Variants in TTLL10 observed in about 807,000 individuals in gnomAD.
The protein encoded by TTLL10 is tubulin tyrosine ligase like 10.
TTLL10 carries 61 observed loss-of-function variants against 69.0 expected under a neutral mutation model. The ratio of observed to expected loss-of-function variants is 0.88; its 90% CI spans 0.72 to 1.09. The LOEUF is 1.09. Among genes scored for constraint, TTLL10 ranks in the 50% least tolerant of loss-of-function variants. TTLL10 has a pLI of 0.00. For synonymous variants in TTLL10, 408 were observed against 393.3 expected (o/e 1.04, Z -0.44); for missense variants, 962 against 945.9 (o/e 1.02, Z -0.22).
chr1:1,194,397 T>A (rs549722702), intron 13 of TTLL10, among the ~76,000 whole-genome samples: 12 of 152,280 alleles, frequency 7.9e-5, no homozygotes, highest in African/African-American at 2.9e-4. Context: ...TACAAAAAAA[T>A]ACATGTATGC....
Position 1,183,141 on chromosome 1 carries a change from C to T in TTLL10, c.1088+94C>T, listed in dbSNP as rs898941406. ...GCAGGGCCGCCGAGGAGCCCTTGGT[C>T]GTGGAAAGCAGCCGCACCACCAGCC... On this transcript the variant is annotated intron_variant, in intron 11 of 15. Transcript: ENST00000379289. 2.1e-5 allele frequency: 30 copies of T among 1,425,594 alleles called. 1 individual carries two copies. Among genetic ancestry groups the T allele is most frequent in the Admixed American group, 5.0e-5 (2 of 39,998 alleles). 88.3% of individuals were successfully genotyped at this position (1,425,594 alleles called of 1,614,324 possible).
intron 13 of TTLL10, among the ~76,000 whole-genome samples, chr1:1,193,281 C>A (rs1048825666): frequency 6.6e-6 from 1 of 151,996 alleles, no homozygotes; most frequent in Non-Finnish European, 1.5e-5. Flanking sequence ...GCCAAGATTG[C>A]GCCATTGCAC....
At position 1,196,601 on chromosome 1, in the gene TTLL10, A is replaced by G; in HGVS notation, c.1403A>G (p.Lys468Arg). The change falls in exon 14 of 16, where the codon AAG (lysine) becomes AGG (arginine). Residue 468 changes from lysine (K) to arginine (R), a missense_variant and splice_region_variant. By Grantham distance (26) the Lys-to-Arg change is conservative. Coordinates refer to ENST00000379289, the MANE Select transcript of TTLL10 (RefSeq NM_001130045.2). Reference protein sequence around the residue: ...AKDWVFTTLKKRMQQIMAHCF... With the variant: ...AKDWVFTTLKRRMQQIMAHCF... ...GGATGCCTCCCTGCCTCCCTGCAGA[A>G]GCGGATGCAGCAGATCATGGCCCAC... 1 of 1,550,900 alleles carries G rather than the reference A, an allele frequency of 6.4e-7. No individual in the cohort carries two copies. Among genetic ancestry groups the G allele is most frequent in the South Asian group, 1.2e-5 (1 of 84,046 alleles).
intron 3 of TTLL10, chr1:1,176,529 C>T (rs1475351623): frequency 2.5e-6 from 1 of 403,944 alleles, no homozygotes; most frequent in Non-Finnish European, 5.0e-6. Flanking sequence ...CACCTCCACA[C>T]CTTTTCCCAC....
At chr1:1,188,010 T>C (rs1006020131) in intron 13 of TTLL10, among the ~76,000 whole-genome samples, 1 of 152,264 alleles carries the variant, frequency 6.6e-6, no homozygotes, top group Non-Finnish European at 1.5e-5. Context: ...GGATCCATTT[T>C]CAGTTAATTT....
At position 1,196,733 on chromosome 1, in the gene TTLL10, C is replaced by CGGGG; in HGVS notation, c.1518+20_1518+23dup. Reference sequence around the variant, plus strand: ...AACTTCAAGGTGCTGTCCTGGGCGGCGGGGGGCACAGTAGACAGATGCAAG... The same window carrying CGGGG: ...AACTTCAAGGTGCTGTCCTGGGCGGCGGGGGGGGGGCACAGTAGACAGATGCAAG... On this transcript the variant is annotated intron_variant, in intron 14 of 15. Coordinates refer to ENST00000379289, the MANE Select transcript of TTLL10 (RefSeq NM_001130045.2). 1 of 1,509,700 alleles carries CGGGG rather than the reference C, an allele frequency of 6.6e-7. No individual in the cohort carries two copies. The highest frequency in any genetic ancestry group is 1.2e-5 in the South Asian group (1 of 83,140). The allele number at this position is 1,509,700 out of a possible 1,614,324, so 93.5% of individuals were successfully genotyped here.
chr1:1,192,984 C>T (rs1439376127), intron 13 of TTLL10, among the ~76,000 whole-genome samples: 1 of 152,182 alleles, frequency 6.6e-6, no homozygotes, highest in African/African-American at 2.4e-5. Context: ...TAAGAAACTC[C>T]GTCAATGTCT....
chr1:1,185,326 A>T lies in TTLL10; in HGVS notation c.1401+217A>T. 7.2e-7 allele frequency: 1 copy of T among 1,388,788 alleles called. No individual in the cohort carries two copies. Among genetic ancestry groups the T allele is most frequent in the Non-Finnish European group, 9.3e-7 (1 of 1,076,170 alleles). The allele number at this position is 1,388,788 out of a possible 1,614,324, so 86.0% of individuals were successfully genotyped here. ...CAGCAAAGGCCCGGACGGAAAGCCC[A>T]GTCGGGGGTCTGTCGGCACGAGTCC... On this transcript the variant is annotated intron_variant, in intron 13 of 15. Coordinates refer to ENST00000379289, the MANE Select transcript of TTLL10 (RefSeq NM_001130045.2). The surrounding 1 kb of genome is among the most constrained non-coding windows in gnomAD (Gnocchi z 6.1).
intron 12 of TTLL10, among the ~76,000 whole-genome samples, chr1:1,184,544 A>AG (rs1383968452): frequency 6.6e-6 from 1 of 151,974 alleles, no homozygotes; most frequent in Non-Finnish European, 1.5e-5. Flanking sequence ...TCACGGCTGA[A>AG]GGGGGGTCTC....
rs1030857090 is a variant in TTLL10, at chr1:1,179,174, G to C, written c.-27-15G>C. 6.1e-6 allele frequency: 9 copies of C among 1,478,244 alleles called. No individual in the cohort carries two copies. The highest frequency in any genetic ancestry group is 1.4e-5 in the African/African-American group (1 of 71,326). 91.6% of individuals were successfully genotyped at this position (1,478,244 alleles called of 1,614,324 possible). ...GAGGTCCCACAGGAGGGTCAGAGCG[G>C]CATCTTCCCTTCAGGGCCCTCGCCC... On this transcript the variant is annotated splice_polypyrimidine_tract_variant and intron_variant, in intron 3 of 15. Transcript: ENST00000379289.
At chr1:1,187,493 G>T (rs961746049) in intron 13 of TTLL10, among the ~76,000 whole-genome samples, 5 of 152,060 alleles carry the variant, frequency 3.3e-5, no homozygotes, top group African/African-American at 9.7e-5. Flanking sequence ...AGCCAGGCGT[G>T]GTGGTGGGTG....
Position 1,196,860 on chromosome 1 carries a change from A to T in TTLL10, c.1518+144A>T, listed in dbSNP as rs1648250499. On this transcript the variant is annotated intron_variant, in intron 14 of 15. Transcript: ENST00000379289. ...TGCATGCAGCCCTGGGGATGGGTGTATCCATGAGGCTCACCCCCTGTGCAG... is the reference window on the plus strand; with the variant it reads ...TGCATGCAGCCCTGGGGATGGGTGTTTCCATGAGGCTCACCCCCTGTGCAG... The T allele has an allele frequency of 6.5e-6, 5 of 765,618 alleles. No individual in the cohort carries two copies. In the South Asian group the frequency reaches 8.3e-5, roughly 13 times the overall value. The allele number at this position is 765,618 out of a possible 1,614,324, so 47.4% of individuals were successfully genotyped here. A position where few individuals can be genotyped will look rare whatever the true frequency, so the allele number is the denominator to read the frequency against.
chr1:1,180,249 G>T lies in TTLL10; in HGVS notation c.415G>T (p.Glu139Ter). 1 of 1,604,518 alleles carries T rather than the reference G, an allele frequency of 6.2e-7. No individual in the cohort carries two copies. Among genetic ancestry groups the T allele is most frequent in the Non-Finnish European group, 8.5e-7 (1 of 1,176,534 alleles). ...NAAGPSAALL[E>*]GLLLGGGKPS... is the part of the protein sequence containing the mutation. ...CGCCGGGCCCTCAGCTGCCCTCCTG[G>T]AGGGGCTCCTGCTGGGGGGTGGGAA... Residue 139 changes from glutamate (E) to a stop codon, truncating the protein, a stop_gained, in exon 6 of 16, where the codon GAG (glutamate) becomes TAG (stop). Coordinates refer to ENST00000379289, the MANE Select transcript of TTLL10 (RefSeq NM_001130045.2). LOFTEE classifies it high-confidence loss of function.
intron 13 of TTLL10, among the ~76,000 whole-genome samples, chr1:1,192,365 G>GAGTGTAGACACTCCAGTTGGTATA (rs1423797042): frequency 0.029 from 4,091 of 141,736 alleles, 587 homozygotes; most frequent in Middle Eastern, 0.044. Context: ...TCTGTGATAT[G>GAGTGTAGACACTCCAGTTGGTATA]AGTGTAGACA....
Position 1,180,464 on chromosome 1 carries a change from C to A in TTLL10, c.507-19C>A. ...CCTTGCCTCGGCCCCCAGGTCACCC[C>A]CGCCCCCACCCCTCGCAGCATCAGC... On this transcript the variant is annotated intron_variant, in intron 6 of 15. Coordinates refer to ENST00000379289, the MANE Select transcript of TTLL10 (RefSeq NM_001130045.2). 6 of 1,537,862 alleles carry A rather than the reference C, an allele frequency of 3.9e-6. No homozygotes were observed. The highest frequency in any genetic ancestry group is 5.3e-6 in the Non-Finnish European group (6 of 1,137,574).
intron 14 of TTLL10, 106 bp downstream of exon 14, chr1:1,196,822 C>A (rs1007950795): frequency 1.0e-4 from 92 of 882,052 alleles, no homozygotes; most frequent in Non-Finnish European, 1.5e-4. Flanking sequence ...CTGCAGTCAG[C>A]CCCCACCCTG....
At chr1:1,186,850 GTTTTTTT>G (rs35158481) in intron 13 of TTLL10, among the ~76,000 whole-genome samples, 1 of 140,298 alleles carries the variant, frequency 7.1e-6, no homozygotes, top group African/African-American at 2.6e-5. Flanking sequence ...TTTGTTTTTT[GTTTTTTT>G]TTTTTTGAGA....
Position 1,180,066 on chromosome 1 carries a change from C to T in TTLL10, c.232C>T (p.Gln78Ter). The change falls in exon 6 of 16, where the codon CAG becomes TAG. Residue 78 changes from glutamine (Q) to a stop codon, truncating the protein, a stop_gained. Transcript: ENST00000379289. LOFTEE classifies it high-confidence loss of function. ...CCACGAGAGGCCAATGGGGAGCAGC[C>T]AGGAGGAGGGACTCCGGTGTCAGCC... is the stretch of plus-strand genomic sequence containing the variant. ...PAHERPMGSS[Q>*]EEGLRCQPSQ... The T allele has an allele frequency of 6.3e-7, 1 of 1,593,938 alleles. No homozygotes were observed. Among genetic ancestry groups the T allele is most frequent in the Non-Finnish European group, 8.5e-7 (1 of 1,169,696 alleles).
Position 1,184,027 on chromosome 1 carries a change from C to G in TTLL10, c.1196C>G (p.Ala399Gly), listed in dbSNP as rs201032255. Residue 399 changes from alanine to glycine, a missense_variant, in exon 12 of 16, where the codon GCT (alanine) becomes GGT (glycine). By Grantham distance (60) the Ala-to-Gly change is moderately conservative (BLOSUM62 0). Coordinates refer to ENST00000379289, the MANE Select transcript of TTLL10 (RefSeq NM_001130045.2). ...ATGATCTTCTTTGGCCACGGCTATG[C>G]TCGCCTCACCCTTAGCCTTTACGAC... ...PYMIFFGHGY[A>G]RLTLSLYDPH... 136 of 1,614,116 alleles carry G rather than the reference C, an allele frequency of 8.4e-5. No homozygotes were observed. Among genetic ancestry groups the G allele is most frequent in the Non-Finnish European group, 1.1e-4 (128 of 1,180,034 alleles).
Sources: gnomAD v4.1 joint callset for allele counts (sites outside exome capture counted in the v4.1 genomes callset) on GRCh38, gnomAD v4.1.1 for gene constraint, Gnocchi (gnomAD v3.1) non-coding constraint, MANE v1.5 for transcripts, NCBI Gene and HGNC (gene_info 2026-07-23, HGNC 2026-07-21) for gene names.